Variants in SH3GL2 observed in about 807,000 individuals in gnomAD.
The protein encoded by SH3GL2 is endophilin-A1.
SH3GL2 carries 24 observed loss-of-function variants against 46.0 expected under a neutral mutation model. That is an observed-to-expected ratio of 0.52 (90% CI 0.38 to 0.73). The LOEUF (loss-of-function observed/expected upper bound fraction) is 0.73, where lower values mean the gene tolerates loss of function less well. Ranked by LOEUF, SH3GL2 falls within the 30% of genes least tolerant of loss-of-function variation. The pLI is 0.00. For synonymous variants in SH3GL2, 196 were observed against 147.1 expected (o/e 1.33, Z -2.40); for missense variants, 413 against 424.2 (o/e 0.97, Z 0.23).
At chr9:17,787,655 C>G in intron 5 of SH3GL2, 142 bp downstream of exon 5, 1 of 634,778 alleles carries the variant, frequency 1.6e-6, no homozygotes, top group South Asian at 2.1e-5. Flanking sequence ...CCCAGTAAGA[C>G]AAAATGAGAG....
chr9:17,688,800 A>G (rs1307231575), intron 1 of SH3GL2, among the ~76,000 whole-genome samples: 4 of 152,112 alleles, frequency 2.6e-5, no homozygotes, highest in African/African-American at 9.7e-5. Flanking sequence ...TCAAATAAAT[A>G]TCTATGAGTT....
rs189512860 is a variant in SH3GL2 at position 17,696,576 on chromosome 9, G to A, written c.46-50490G>A. Among the ~76,000 whole-genome samples the A allele has an allele frequency of 2.2e-4, 33 of 152,172 alleles. 2 individuals are homozygous for A. In the East Asian group the frequency reaches 3.7e-3, roughly 17 times the overall value. On this transcript the variant is annotated intron_variant, in intron 1 of 8. Transcript: ENST00000380607. ...AAGAAAGGCACCTTCTTCACAGGGC[G>A]GTAGGAAGGAGAAGTGCCGAGCAAA...
intron 3 of SH3GL2, among the ~76,000 whole-genome samples, chr9:17,772,992 A>G (rs9407858): frequency 0.1 from 15,523 of 152,076 alleles, 880 homozygotes; most frequent in Non-Finnish European, 0.11. Flanking sequence ...CCTTGCTAAC[A>G]CTTGTTATTT....
chr9:17,795,498 C>A (rs200084827), intron 8 of SH3GL2, 46 bp from the exon 9 acceptor site: 2 of 1,501,776 alleles, frequency 1.3e-6, no homozygotes, highest in Non-Finnish European at 9.2e-7. Context: ...GTTAAATACC[C>A]CTTATCCTTT....
chr9:17,717,414 G>A (rs1436486250), intron 1 of SH3GL2, among the ~76,000 whole-genome samples: 2 of 146,466 alleles, frequency 1.4e-5, no homozygotes, highest in Non-Finnish European at 2.9e-5. Flanking sequence ...CCACACAGTA[G>A]CCCCACTCTT....
chr9:17,596,431 T>C (rs560636528), intron 1 of SH3GL2, among the ~76,000 whole-genome samples: 210 of 151,978 alleles, frequency 1.4e-3, no homozygotes, highest in African/African-American at 4.8e-3. Flanking sequence ...AGCTAAGACA[T>C]GTATAGGGTA....
At chr9:17,586,725 A>G (rs1043118075) in intron 1 of SH3GL2, among the ~76,000 whole-genome samples, 2 of 152,172 alleles carry the variant, frequency 1.3e-5, no homozygotes, top group Non-Finnish European at 2.9e-5. Flanking sequence ...GAATTCACTC[A>G]CTATCACGAG....
At chr9:17,609,977 C>G (rs954381579) in intron 1 of SH3GL2, among the ~76,000 whole-genome samples, 15 of 152,190 alleles carry the variant, frequency 9.9e-5, no homozygotes, top group African/African-American at 3.4e-4. Flanking sequence ...GTGTACTGCT[C>G]AAGGACTCAT....
chr9:17,789,736 T>C (rs1824068899), intron 6 of SH3GL2, 186 bp downstream of exon 6: 1 of 1,360,026 alleles, frequency 7.4e-7, no homozygotes, highest in Non-Finnish European at 9.5e-7. Context: ...AAGTTTCTTC[T>C]GCATTCCTGT....
chr9:17,789,063 G>A (rs763289687), intron 5 of SH3GL2, among the ~76,000 whole-genome samples: 8 of 152,198 alleles, frequency 5.3e-5, no homozygotes, highest in Non-Finnish European at 1.0e-4. Context: ...TTGTGTGTAG[G>A]GCATGTGCAT....
In SH3GL2 at chr9:17,659,468, C is replaced by T. The variant is rs190370608; in HGVS notation, c.45+80181C>T. On this transcript the variant is annotated intron_variant, in intron 1 of 8. Coordinates refer to ENST00000380607, the MANE Select transcript of SH3GL2 (RefSeq NM_003026.5). The stretch of plus-strand genomic sequence containing the variant: ...TGGTGTGTGTGTGTGTGTGTTTTCT[C>T]ACGCCATTGTGTCTTGTATTCCTGG... Among the ~76,000 whole-genome samples the T allele has an allele frequency of 2.3e-4, 35 of 152,118 alleles. 1 individual carries two copies. Among genetic ancestry groups the T allele is most frequent in the Admixed American group, 5.9e-4 (9 of 15,256 alleles).
chr9:17,702,501 G>A (rs1328705939), intron 1 of SH3GL2, among the ~76,000 whole-genome samples: 1 of 151,698 alleles, frequency 6.6e-6, no homozygotes, highest in Non-Finnish European at 1.5e-5. Context: ...GGAAAAGCAA[G>A]GAGCAAAACA....
chr9:17,634,069 T>C (rs1030470236), intron 1 of SH3GL2, among the ~76,000 whole-genome samples: 3 of 152,234 alleles, frequency 2.0e-5, no homozygotes, highest in African/African-American at 7.2e-5. Context: ...GGTTCTGGAC[T>C]CAGACTCTTG....
intron 1 of SH3GL2, among the ~76,000 whole-genome samples, chr9:17,664,872 A>C (rs1024479974): frequency 6.6e-6 from 1 of 151,628 alleles, no homozygotes; most frequent in Admixed American, 6.6e-5. Flanking sequence ...ATTTATTCAA[A>C]CCACAAGGGA....
rs138209207 is a variant in SH3GL2, at chr9:17,793,811, G to T, written c.859+314G>T. 7.9e-4 allele frequency among the ~76,000 whole-genome samples: 120 copies of T among 152,146 alleles called. 1 individual carries two copies. Among genetic ancestry groups the T allele is most frequent in the African/African-American group, 2.6e-3 (106 of 41,494 alleles). ...TTGTGGTCGTAAATCGCCTTTCCTT[G>T]TCAGTTTGGTCTGCGAGTGTCATCT... On this transcript the variant is annotated intron_variant, in intron 8 of 8. Transcript: ENST00000380607.
intron 1 of SH3GL2, among the ~76,000 whole-genome samples, chr9:17,721,182 A>G (rs542654354): frequency 6.6e-6 from 1 of 152,128 alleles, no homozygotes; most frequent in South Asian, 2.1e-4. Context: ...TGGCTCTTAG[A>G]AGTGGACCCA....
chr9:17,678,196 T>C (rs1222828926), intron 1 of SH3GL2, among the ~76,000 whole-genome samples: 1 of 152,080 alleles, frequency 6.6e-6, no homozygotes, highest in African/African-American at 2.4e-5. Context: ...TCTAGATCCC[T>C]GAGGAATCGC....
At chr9:17,749,482 C>T (rs538098431) in intron 2 of SH3GL2, among the ~76,000 whole-genome samples, 4 of 152,224 alleles carry the variant, frequency 2.6e-5, no homozygotes, top group African/African-American at 9.6e-5. Context: ...TTATAGTTTG[C>T]CACGTGGCCA....
At chr9:17,793,329 G>C (rs2131195184) in intron 7 of SH3GL2, 38 bp from the exon 8 acceptor site, 1 of 1,577,304 alleles carries the variant, frequency 6.3e-7, no homozygotes, top group Non-Finnish European at 8.6e-7. Flanking sequence ...TTCTTAACTG[G>C]TTACATAACC....
Sources: allele counts gnomAD v4.1 joint callset (sites outside exome capture counted in the v4.1 genomes callset), GRCh38; gene constraint gnomAD v4.1.1; transcripts MANE v1.5; gene names NCBI Gene and HGNC (gene_info 2026-07-23, HGNC 2026-07-21).